The following GRM8 variants were observed in gnomAD, a reference collection of about 807,000 sequenced individuals.
GRM8 encodes metabotropic glutamate receptor 8.
A neutral mutation model predicts 87.2 loss-of-function variants in GRM8; 47 were observed. The observed-to-expected ratio is 0.54, with a 90% CI of 0.43 to 0.69. The LOEUF (loss-of-function observed/expected upper bound fraction) is 0.69. GRM8 is among the 30% of genes least tolerant of loss of function. The probability of loss-of-function intolerance (pLI) is 0.00; values close to 1 mark genes in which losing one functional copy is unlikely to be tolerated. For synonymous variants in GRM8, 396 were observed against 404.5 expected (o/e 0.98, Z 0.25); for missense variants, 1,019 against 1,139.2 (o/e 0.89, Z 1.52).
chr7:126,743,198 G>A (rs1370822661), intron 7 of GRM8, among the ~76,000 whole-genome samples: 3 of 152,090 alleles, frequency 2.0e-5, no homozygotes, highest in Admixed American at 1.3e-4. Context: ...CTGAGCCTAG[G>A]ACATATGTAG....
intron 2 of GRM8, among the ~76,000 whole-genome samples, chr7:127,142,946 G>A (rs1178144406): frequency 1.3e-5 from 2 of 152,174 alleles, no homozygotes; most frequent in Non-Finnish European, 2.9e-5. Context: ...GAAAGCCACT[G>A]TTGAGAGTAA....
At chr7:126,686,368 C>T (rs987519041) in intron 7 of GRM8, among the ~76,000 whole-genome samples, 1 of 152,164 alleles carries the variant, frequency 6.6e-6, no homozygotes, top group Admixed American at 6.5e-5. Flanking sequence ...GAAACATGCC[C>T]CTTGCTTGCC....
At chr7:126,948,633 G>A (rs922887425) in intron 3 of GRM8, among the ~76,000 whole-genome samples, 2 of 152,042 alleles carry the variant, frequency 1.3e-5, no homozygotes, top group African/African-American at 2.4e-5. Flanking sequence ...GTTAGGAAAG[G>A]AAGGATAGCA....
chr7:126,851,631 G>C lies in GRM8; in HGVS notation c.1156+50911C>G, dbSNP rs898966958. ...AATGGTCTTCTCTGCCCAGATGACT[G>C]TTCAGGGCCTTTGCAATGGTCTTCT... On this transcript the variant is annotated intron_variant, in intron 6 of 10. Coordinates refer to ENST00000339582, the MANE Select transcript of GRM8 (RefSeq NM_000845.3). 1.3e-4 allele frequency among the ~76,000 whole-genome samples: 20 copies of C among 152,140 alleles called. No homozygotes were observed. In the South Asian group the frequency reaches 1.5e-3, roughly 11 times the overall value.
chr7:126,586,763 G>T (rs1345680027), intron 8 of GRM8, among the ~76,000 whole-genome samples: 3 of 152,140 alleles, frequency 2.0e-5, no homozygotes, highest in African/African-American at 7.2e-5. Context: ...TCAGGACATA[G>T]GCATGGGCAA....
intron 7 of GRM8, among the ~76,000 whole-genome samples, chr7:126,735,277 A>C (rs1265756964): frequency 6.6e-6 from 1 of 152,124 alleles, no homozygotes; most frequent in East Asian, 1.9e-4. Context: ...CAAAAGAAAA[A>C]TAGGCAAAGT....
chr7:126,803,832 T>A (rs576987699), intron 6 of GRM8, among the ~76,000 whole-genome samples: 1 of 152,336 alleles, frequency 6.6e-6, no homozygotes, highest in East Asian at 1.9e-4. Context: ...TATAACATAG[T>A]GTTAAGGATA....
At chr7:127,220,822 G>C (rs1000900729) in intron 2 of GRM8, among the ~76,000 whole-genome samples, 2 of 152,178 alleles carry the variant, frequency 1.3e-5, no homozygotes, top group Non-Finnish European at 2.9e-5. Flanking sequence ...TCTTACCAGA[G>C]TAAATCCCAT....
intron 2 of GRM8, among the ~76,000 whole-genome samples, chr7:127,208,013 G>A (rs1047749278): frequency 4.6e-5 from 7 of 152,008 alleles, no homozygotes; most frequent in Non-Finnish European, 8.8e-5. Context: ...ACCAGATGCT[G>A]ACCCCCGGCC....
At chr7:126,861,781 T>C (rs1012792694) in intron 6 of GRM8, among the ~76,000 whole-genome samples, 3 of 152,048 alleles carry the variant, frequency 2.0e-5, no homozygotes, top group African/African-American at 7.2e-5. Flanking sequence ...GTTGGAGTTA[T>C]AAGCCTGGAA....
At chr7:126,581,589 A>T (rs1795610060) in intron 8 of GRM8, among the ~76,000 whole-genome samples, 1 of 152,112 alleles carries the variant, frequency 6.6e-6, no homozygotes, top group Admixed American at 6.6e-5. Flanking sequence ...ACTCTATACA[A>T]ATAAAAGGGC....
intron 3 of GRM8, among the ~76,000 whole-genome samples, chr7:126,951,580 G>A (rs1010256867): frequency 6.6e-6 from 1 of 152,158 alleles, no homozygotes; most frequent in Admixed American, 6.5e-5. Context: ...ACAGTATCTT[G>A]ACTGGATACC....
intron 6 of GRM8, among the ~76,000 whole-genome samples, chr7:126,770,644 G>T (rs1818741334): frequency 6.6e-6 from 1 of 152,034 alleles, no homozygotes; most frequent in Non-Finnish European, 1.5e-5. Context: ...TTAAAAAGAT[G>T]TAGATACCTC....
chr7:127,127,545 C>G (rs913921222), intron 2 of GRM8, among the ~76,000 whole-genome samples: 1 of 151,986 alleles, frequency 6.6e-6, no homozygotes, highest in African/African-American at 2.4e-5. Context: ...AGATTACATA[C>G]AATGTGATTC....
At chr7:127,096,597 C>A (rs958361743) in intron 3 of GRM8, among the ~76,000 whole-genome samples, 27 of 151,690 alleles carry the variant, frequency 1.8e-4, no homozygotes, top group Non-Finnish European at 8.8e-5. Flanking sequence ...TTGTTGAACA[C>A]TAGCCATGAG....
chr7:127,197,034 C>A (rs1438109719), intron 2 of GRM8, among the ~76,000 whole-genome samples: 2 of 152,134 alleles, frequency 1.3e-5, no homozygotes, highest in Admixed American at 6.6e-5. Context: ...TTGAAGAGTT[C>A]TTGATACATG....
intron 7 of GRM8, among the ~76,000 whole-genome samples, chr7:126,635,445 C>T (rs567243088): frequency 2.7e-4 from 41 of 152,198 alleles, no homozygotes; most frequent in African/African-American, 7.5e-4. Flanking sequence ...TAAACTCATA[C>T]GACCCTTTAC....
chr7:127,196,482 A>T (rs1250752040), intron 2 of GRM8, among the ~76,000 whole-genome samples: 3 of 151,806 alleles, frequency 2.0e-5, no homozygotes, highest in Admixed American at 6.6e-5. Context: ...ACACCACTGC[A>T]CTCCAGCCTG....
chr7:126,827,225 TA>T (rs2130317750), intron 6 of GRM8, among the ~76,000 whole-genome samples: 1 of 152,314 alleles, frequency 6.6e-6, no homozygotes, highest in South Asian at 2.1e-4. Flanking sequence ...ATATGAACTT[TA>T]AAGTAGTTTT....
Sources: allele counts gnomAD v4.1 joint callset (sites outside exome capture counted in the v4.1 genomes callset), GRCh38; gene constraint gnomAD v4.1.1; transcripts MANE v1.5; gene names NCBI Gene and HGNC (gene_info 2026-07-23, HGNC 2026-07-21).